MYO3B: variants seen among roughly 807,000 people sequenced by gnomAD.
MYO3B encodes the protein myosin IIIB.
In MYO3B, 156 loss-of-function variants were observed where a neutral mutation model predicts 174.6. The observed-to-expected ratio is 0.89, with a 90% CI of 0.78 to 1.02. The LOEUF (loss-of-function observed/expected upper bound fraction) is 1.02. Among genes scored for constraint, MYO3B ranks in the 50% least tolerant of loss-of-function variants. The pLI is 0.00. For missense variants in MYO3B, 1,632 were observed against 1,639.4 expected (o/e 1.00, Z 0.08); for synonymous variants, 563 against 569.1 (o/e 0.99, Z 0.15).
intron 6 of MYO3B, among the ~76,000 whole-genome samples, chr2:170,226,596 CAT>C (rs2092954477): frequency 6.6e-6 from 1 of 152,128 alleles, no homozygotes; most frequent in Non-Finnish European, 1.5e-5. Flanking sequence ...GAGGTTGAGT[CAT>C]GTGTCATATG....
intron 23 of MYO3B, among the ~76,000 whole-genome samples, chr2:170,462,105 TC>T: frequency 6.6e-6 from 1 of 152,334 alleles, no homozygotes; most frequent in South Asian, 2.1e-4. Context: ...TTCTCTTTGT[TC>T]CCTCTTCTTT....
chr2:170,184,639 C>T (rs1001497800), intron 1 of MYO3B, among the ~76,000 whole-genome samples: 4 of 152,170 alleles, frequency 2.6e-5, no homozygotes, highest in African/African-American at 4.8e-5. Context: ...AATAGTGCTA[C>T]AATAAACATG....
intron 32 of MYO3B, among the ~76,000 whole-genome samples, chr2:170,576,739 T>G (rs937299354): frequency 4.6e-5 from 7 of 152,212 alleles, no homozygotes; most frequent in African/African-American, 1.7e-4. Context: ...AAAGCAATAG[T>G]TGATGCTTAT....
intron 1 of MYO3B, among the ~76,000 whole-genome samples, chr2:170,182,599 T>C (rs2092414097): frequency 6.8e-6 from 1 of 147,186 alleles, no homozygotes; most frequent in Admixed American, 7.1e-5. Flanking sequence ...GTTATGTGTT[T>C]TTCTTTTTCT....
At chr2:170,187,077 C>T (rs961918351) in intron 1 of MYO3B, among the ~76,000 whole-genome samples, 1 of 150,006 alleles carries the variant, frequency 6.7e-6, no homozygotes, top group Non-Finnish European at 1.5e-5. Context: ...AAAGGTTTGT[C>T]AATTTTATTT....
intron 32 of MYO3B, among the ~76,000 whole-genome samples, chr2:170,604,194 A>G (rs1473835043): frequency 6.6e-6 from 1 of 152,194 alleles, no homozygotes. Context: ...AAAAGCCTCC[A>G]TGTTATATTG....
At chr2:170,225,595 G>A (rs746390275) in intron 6 of MYO3B, among the ~76,000 whole-genome samples, 20 of 152,076 alleles carry the variant, frequency 1.3e-4, no homozygotes, top group Non-Finnish European at 2.8e-4. Flanking sequence ...TTTACTCTTG[G>A]CTCTGCCACT....
At chr2:170,317,523 A>G (rs564834858) in intron 7 of MYO3B, among the ~76,000 whole-genome samples, 2 of 152,324 alleles carry the variant, frequency 1.3e-5, no homozygotes, top group African/African-American at 4.8e-5. Context: ...CAGATCTGAT[A>G]GTAAGTGTAT....
At chr2:170,266,205 A>G (rs2093381947) in intron 7 of MYO3B, among the ~76,000 whole-genome samples, 1 of 152,186 alleles carries the variant, frequency 6.6e-6, no homozygotes. Context: ...ATGCAGCCTC[A>G]TGTATATAGC....
intron 22 of MYO3B, among the ~76,000 whole-genome samples, chr2:170,420,694 T>A (rs1402294924): frequency 6.6e-6 from 1 of 152,196 alleles, no homozygotes; most frequent in East Asian, 1.9e-4. Context: ...CACAGTCCTG[T>A]CTCATGTGAC....
chr2:170,415,282 T>G (rs2094570842), intron 22 of MYO3B, among the ~76,000 whole-genome samples: 1 of 152,234 alleles, frequency 6.6e-6, no homozygotes, highest in East Asian at 1.9e-4. Context: ...GACATACCCA[T>G]GGCTAACTTC....
intron 7 of MYO3B, among the ~76,000 whole-genome samples, chr2:170,252,927 GT>G (rs1238910676): frequency 6.6e-6 from 1 of 152,212 alleles, no homozygotes; most frequent in Non-Finnish European, 1.5e-5. Flanking sequence ...CATGAGAACA[GT>G]GGAGAGTGGT....
chr2:170,284,211 T>C (rs527591346), intron 7 of MYO3B, among the ~76,000 whole-genome samples: 1 of 152,272 alleles, frequency 6.6e-6, no homozygotes, highest in African/African-American at 2.4e-5. Context: ...TTAATTTAAA[T>C]GTCCAAATGA....
At chr2:170,254,512 G>C (rs979326315) in intron 7 of MYO3B, among the ~76,000 whole-genome samples, 3 of 152,114 alleles carry the variant, frequency 2.0e-5, no homozygotes, top group East Asian at 3.9e-4. Context: ...TCCCACAAGA[G>C]GGTGTGCAAA....
chr2:170,458,020 C>T (rs1298763562), intron 23 of MYO3B, among the ~76,000 whole-genome samples: 1 of 152,182 alleles, frequency 6.6e-6, no homozygotes, highest in African/African-American at 2.4e-5. Flanking sequence ...TCCCAAAGTG[C>T]TGGGATTACA....
intron 22 of MYO3B, among the ~76,000 whole-genome samples, chr2:170,422,659 A>G (rs1457558635): frequency 6.6e-6 from 1 of 151,988 alleles, no homozygotes; most frequent in Admixed American, 6.6e-5. Context: ...GGGTTTCACC[A>G]TGTTGGCCAG....
At chr2:170,241,830 T>G (rs558177435) in intron 7 of MYO3B, among the ~76,000 whole-genome samples, 1 of 152,294 alleles carries the variant, frequency 6.6e-6, no homozygotes, top group East Asian at 1.9e-4. Flanking sequence ...AGGCATTTTT[T>G]TTTTTAAGAT....
chr2:170,471,420 T>C (rs964527740), intron 25 of MYO3B, among the ~76,000 whole-genome samples: 5 of 152,170 alleles, frequency 3.3e-5, no homozygotes, highest in Admixed American at 3.3e-4. Flanking sequence ...AATTTATGTA[T>C]GTTTTCTTTT....
intron 7 of MYO3B, among the ~76,000 whole-genome samples, chr2:170,328,700 C>T (rs13026749): frequency 0.5 from 75,764 of 151,624 alleles, 20,867 homozygotes; most frequent in East Asian, 0.66. Flanking sequence ...AATACATGAA[C>T]GGCTAAATAA....
Sources: allele counts gnomAD v4.1 joint callset (sites outside exome capture counted in the v4.1 genomes callset), GRCh38; gene constraint gnomAD v4.1.1; transcripts MANE v1.5; gene names NCBI Gene and HGNC (gene_info 2026-07-23, HGNC 2026-07-21).